ROCK1: variants seen among roughly 807,000 people sequenced by gnomAD.
ROCK1 encodes the protein rho-associated protein kinase 1.
A neutral mutation model predicts 196.8 loss-of-function variants in ROCK1; 36 were observed. The ratio of observed to expected loss-of-function variants is 0.18; its 90% CI spans 0.14 to 0.24. ROCK1 has a LOEUF of 0.24. Among genes scored for constraint, ROCK1 ranks in the 10% least tolerant of loss-of-function variants. The pLI is 1.00. For missense variants in ROCK1, 920 were observed against 1,562.0 expected (o/e 0.59, Z 6.93); for synonymous variants, 443 against 515.9 (o/e 0.86, Z 1.91).
At position 20,956,525 on chromosome 18, in the gene ROCK1, C is replaced by T. The variant is rs1271822553; in HGVS notation, c.3513-1280G>A. 2.0e-5 allele frequency among the ~76,000 whole-genome samples: 3 copies of T among 152,264 alleles called. No individual in the cohort carries two copies. In the South Asian group the frequency reaches 6.2e-4, roughly 32 times the overall value. The stretch of plus-strand genomic sequence containing the variant: ...GAATTGATCCCAAAACCCCACAACC[C>T]TATAAAACTGTTAAGTGCAAAGCAA... On this transcript the variant is annotated intron_variant, in intron 29 of 32. Coordinates refer to ENST00000399799, the MANE Select transcript of ROCK1 (RefSeq NM_005406.3).
At chr18:21,029,790 C>T (rs1272748280) in intron 9 of ROCK1, among the ~76,000 whole-genome samples, 1 of 151,798 alleles carries the variant, frequency 6.6e-6, no homozygotes, top group East Asian at 1.9e-4. Context: ...AGGGGTACAT[C>T]TAAAAATAAA....
intron 4 of ROCK1, among the ~76,000 whole-genome samples, chr18:21,047,922 G>A (rs2036174942): frequency 6.6e-6 from 1 of 152,090 alleles, no homozygotes; most frequent in Non-Finnish European, 1.5e-5. Flanking sequence ...ACAAAAACAT[G>A]TTAGAAAATT....
intron 9 of ROCK1, among the ~76,000 whole-genome samples, chr18:21,038,689 A>T (rs1413638327): frequency 6.6e-6 from 1 of 152,196 alleles, no homozygotes; most frequent in African/African-American, 2.4e-5. Flanking sequence ...GTTACTATTC[A>T]CTGCTATTGC....
At chr18:21,005,731 G>A (rs1051840553) in intron 16 of ROCK1, among the ~76,000 whole-genome samples, 2 of 152,070 alleles carry the variant, frequency 1.3e-5, no homozygotes, top group African/African-American at 4.8e-5. Context: ...GCAAAAATTA[G>A]CTGGGCATGG....
chr18:21,092,989 C>T (rs1332089724), intron 1 of ROCK1, among the ~76,000 whole-genome samples: 1 of 152,154 alleles, frequency 6.6e-6, no homozygotes, highest in South Asian at 2.1e-4. Context: ...TCCACCCCTC[C>T]TTCATGCAAC....
intron 1 of ROCK1, among the ~76,000 whole-genome samples, chr18:21,106,863 T>C (rs2036707412): frequency 6.6e-6 from 1 of 152,230 alleles, no homozygotes; most frequent in Admixed American, 6.5e-5. Context: ...CGAGAAAAGA[T>C]TGGATAGCCA....
intron 10 of ROCK1, among the ~76,000 whole-genome samples, chr18:21,026,169 G>A (rs1294705298): frequency 6.6e-6 from 1 of 152,130 alleles, no homozygotes; most frequent in Non-Finnish European, 1.5e-5. Flanking sequence ...AGCAGGCTGG[G>A]CACAGTGGGT....
chr18:20,975,485 T>A (rs1239651474), intron 22 of ROCK1, among the ~76,000 whole-genome samples: 1 of 152,216 alleles, frequency 6.6e-6, no homozygotes, highest in Non-Finnish European at 1.5e-5. Flanking sequence ...CCTATTCTCA[T>A]CTCTATTTAG....
In ROCK1 at chr18:21,039,546, C is replaced by T. The variant is rs370467228; in HGVS notation, c.977G>A (p.Arg326Gln). Residue 326 changes from arginine to glutamine, a missense_variant, in exon 9 of 33, where the codon CGA becomes CAA. By Grantham distance (43) the Arg-to-Gln change is conservative. Transcript: ENST00000399799. ...FLTDREVRLG[R>Q]NGVEEIKRHL... Reference sequence around the variant, plus strand: ...TCGTTTGATTTCTTCTACACCATTTCGCCCTAACCTCACTTCCCTGAATAA... The same window carrying T: ...TCGTTTGATTTCTTCTACACCATTTTGCCCTAACCTCACTTCCCTGAATAA... 8.0e-5 allele frequency: 129 copies of T among 1,613,358 alleles called. 1 individual carries two copies. In the South Asian group the frequency reaches 8.7e-4, roughly 11 times the overall value.
At chr18:21,022,061 GAAAGA>G (rs892589764) in intron 11 of ROCK1, among the ~76,000 whole-genome samples, 1 of 150,610 alleles carries the variant, frequency 6.6e-6, no homozygotes, top group Non-Finnish European at 1.5e-5. Flanking sequence ...ATATCAAGGA[GAAAGA>G]AAAGAATCAT....
chr18:20,972,616 T>C (rs1322365442), intron 22 of ROCK1, among the ~76,000 whole-genome samples: 1 of 152,162 alleles, frequency 6.6e-6, no homozygotes, highest in Non-Finnish European at 1.5e-5. Flanking sequence ...GCATGTGGTG[T>C]CACAGAAGCC....
chr18:21,111,375 C>T lies in ROCK1; in HGVS notation c.-465G>A, dbSNP rs1598567519. The T allele has an allele frequency of 2.4e-6, 1 of 411,494 alleles. No homozygotes were observed. Among genetic ancestry groups the T allele is most frequent in the Non-Finnish European group, 4.3e-6 (1 of 233,516 alleles). The allele number at this position is 411,494 out of a possible 1,614,324, so 25.5% of individuals were successfully genotyped here. ...GGCGGGTGAGGAGCTGTGCCAGCTGCGGCCGCCGCTCGGGCCACGGGCCGG... is the reference window on the plus strand; with the variant it reads ...GGCGGGTGAGGAGCTGTGCCAGCTGTGGCCGCCGCTCGGGCCACGGGCCGG... On this transcript the variant is annotated 5_prime_UTR_variant, in exon 1 of 33. Transcript: ENST00000399799. The surrounding 1 kb of genome is among the most constrained non-coding windows in gnomAD (Gnocchi z 4.2).
chr18:21,075,688 T>C (rs2036423218), intron 1 of ROCK1, among the ~76,000 whole-genome samples: 1 of 151,868 alleles, frequency 6.6e-6, no homozygotes, highest in Non-Finnish European at 1.5e-5. Flanking sequence ...GCATGGTGGC[T>C]CACACCTGAA....
chr18:21,109,195 GTA>G (rs780814976), intron 1 of ROCK1, among the ~76,000 whole-genome samples: 2 of 152,152 alleles, frequency 1.3e-5, no homozygotes, highest in South Asian at 2.1e-4. Context: ...TTGTTTCTGT[GTA>G]TATATGTGAG....
intron 8 of ROCK1, among the ~76,000 whole-genome samples, chr18:21,040,531 A>G (rs72879421): frequency 0.03 from 4,537 of 152,314 alleles, 98 homozygotes; most frequent in Non-Finnish European, 0.047. Flanking sequence ...GCTTATAAAT[A>G]AAGAAAATAC....
intron 25 of ROCK1, 27 bp downstream of exon 25, chr18:20,968,745 T>C (rs765642948): frequency 2.3e-6 from 3 of 1,330,844 alleles, no homozygotes; most frequent in Non-Finnish European, 3.2e-6. Flanking sequence ...AAAATGAACA[T>C]GTGGAAAAGA....
chr18:21,073,946 A>G (rs1485236804), intron 1 of ROCK1, among the ~76,000 whole-genome samples: 7 of 152,134 alleles, frequency 4.6e-5, no homozygotes, highest in Non-Finnish European at 7.3e-5. Flanking sequence ...TGAAACCAGG[A>G]GTTCAAGACC....
intron 29 of ROCK1, among the ~76,000 whole-genome samples, chr18:20,955,829 C>T (rs1200251964): frequency 6.7e-6 from 1 of 148,896 alleles, no homozygotes; most frequent in Non-Finnish European, 1.5e-5. Flanking sequence ...GGAAAAAAAG[C>T]TGATCAGAAA....
chr18:20,962,897 G>A lies in ROCK1; in HGVS notation c.3353-2691C>T, dbSNP rs148728288. ...AAAAATACATACTAGCTTCTCCTGC[G>A]TTTCCTTTCCTTACGCCTACCATAG... On this transcript the variant is annotated intron_variant, in intron 27 of 32. Transcript: ENST00000399799. Among the ~76,000 whole-genome samples the A allele has an allele frequency of 5.4e-4, 82 of 152,082 alleles. No individual in the cohort carries two copies. The South Asian group carries it at 5.4e-3, about 10-fold the overall frequency.
Sources: gnomAD v4.1 joint callset for allele counts (sites outside exome capture counted in the v4.1 genomes callset) on GRCh38, gnomAD v4.1.1 for gene constraint, Gnocchi (gnomAD v3.1) non-coding constraint, MANE v1.5 for transcripts, NCBI Gene and HGNC (gene_info 2026-07-23, HGNC 2026-07-21) for gene names.